Variants in KDM4C observed in about 807,000 individuals in gnomAD.
KDM4C encodes the protein lysine-specific demethylase 4C.
KDM4C carries 81 observed loss-of-function variants against 129.3 expected under a neutral mutation model. The ratio of observed to expected loss-of-function variants is 0.63; its 90% CI spans 0.52 to 0.75. KDM4C has a LOEUF of 0.75. Ranked by LOEUF, KDM4C falls within the 30% of genes least tolerant of loss-of-function variation. KDM4C has a pLI of 0.00. For synonymous variants in KDM4C, 573 were observed against 456.1 expected (o/e 1.26, Z -3.26); for missense variants, 1,457 against 1,304.0 (o/e 1.12, Z -1.81).
chr9:6,732,364 CAAAAAAAAAAAAAAAAAAAAAAA>C lies in KDM4C; in HGVS notation c.49+11382_49+11404del, dbSNP rs66904997. Among the ~76,000 whole-genome samples the C allele has an allele frequency of 3.3e-4, 10 of 29,978 alleles. 1 individual carries two copies. Among genetic ancestry groups the C allele is most frequent in the Non-Finnish European group, 4.6e-4 (8 of 17,462 alleles). 19.7% of individuals were successfully genotyped at this position (29,978 alleles called of 152,430 possible). On this transcript the variant is annotated intron_variant, in intron 1 of 17. Coordinates refer to the KDM4C transcript ENST00000536108. ...TGGGTGACAGAGCAAGACTCTGTCT[CAAAAAAAAAAAAAAAAAAAAAAA>C]AAAAAAAAAAAAAAGAATGAGGCCG...
At chr9:6,769,531 G>A (rs1005259786) in intron 1 of KDM4C, among the ~76,000 whole-genome samples, 5 of 152,116 alleles carry the variant, frequency 3.3e-5, no homozygotes, top group Non-Finnish European at 7.4e-5. Flanking sequence ...AATAATCACA[G>A]CCTGCTAACT....
intron 7 of KDM4C, among the ~76,000 whole-genome samples, chr9:6,891,252 T>C (rs2130880561): frequency 6.6e-6 from 1 of 152,278 alleles, no homozygotes; most frequent in African/African-American, 2.4e-5. Context: ...AAATTGGAAA[T>C]GACCAAATGT....
intron 15 of KDM4C, among the ~76,000 whole-genome samples, chr9:7,016,895 G>A (rs1823797964): frequency 6.6e-6 from 1 of 152,104 alleles, no homozygotes; most frequent in African/African-American, 2.4e-5. Context: ...CAAGGTGGGG[G>A]ATCCTCAGTG....
chr9:6,930,998 T>C (rs914729786), intron 8 of KDM4C, among the ~76,000 whole-genome samples: 1 of 152,160 alleles, frequency 6.6e-6, no homozygotes, highest in Non-Finnish European at 1.5e-5. Flanking sequence ...GCAACTGCAT[T>C]CTTATGCTTC....
intron 6 of KDM4C, among the ~76,000 whole-genome samples, chr9:6,887,715 A>G (rs1845505464): frequency 6.6e-6 from 1 of 152,228 alleles, no homozygotes; most frequent in African/African-American, 2.4e-5. Context: ...GAGTAATTTT[A>G]CAGGTTACAA....
chr9:7,036,809 T>G (rs1395386430), intron 15 of KDM4C, among the ~76,000 whole-genome samples: 1 of 152,216 alleles, frequency 6.6e-6, no homozygotes, highest in Non-Finnish European at 1.5e-5. Flanking sequence ...AGGATCTTTG[T>G]CATTCACTGT....
chr9:6,949,534 C>A (rs574723854), intron 8 of KDM4C, among the ~76,000 whole-genome samples: 22 of 152,306 alleles, frequency 1.4e-4, no homozygotes, highest in Admixed American at 5.2e-4. Context: ...ACGCCACTGC[C>A]CTCCAGCCTG....
chr9:6,938,899 C>G (rs941448925), intron 8 of KDM4C, among the ~76,000 whole-genome samples: 14 of 151,972 alleles, frequency 9.2e-5, no homozygotes, highest in African/African-American at 3.4e-4. Context: ...ACTCATGTTT[C>G]ATTTATGAGG....
At chr9:7,015,133 A>G (rs10975974) in intron 14 of KDM4C, among the ~76,000 whole-genome samples, 14,096 of 152,176 alleles carry the variant, frequency 0.093, 1,001 homozygotes, top group East Asian at 0.27. Context: ...GGGAAATTAC[A>G]TTTCTGTTAT....
chr9:7,039,373 A>G (rs777041056), intron 15 of KDM4C, among the ~76,000 whole-genome samples: 1 of 152,120 alleles, frequency 6.6e-6, no homozygotes, highest in Non-Finnish European at 1.5e-5. Flanking sequence ...TTATAAGTCT[A>G]ATTTCAATTT....
At chr9:6,865,858 C>T (rs951488389) in intron 5 of KDM4C, among the ~76,000 whole-genome samples, 8 of 152,132 alleles carry the variant, frequency 5.3e-5, no homozygotes, top group African/African-American at 1.7e-4. Context: ...TCACGCCATT[C>T]TCCTGCCTCA....
At chr9:7,005,383 C>T (rs530427696) in intron 12 of KDM4C, among the ~76,000 whole-genome samples, 14 of 144,096 alleles carry the variant, frequency 9.7e-5, no homozygotes, top group African/African-American at 3.1e-4. Context: ...TTCAGTGAGT[C>T]GAGATCAAGC....
At chr9:6,721,167 A>C in intron 1 of KDM4C, 1 of 471,080 alleles carries the variant, frequency 2.1e-6, no homozygotes, top group Non-Finnish European at 3.8e-6. Flanking sequence ...TCAACATCCC[A>C]GGCTCAGGTG....
At chr9:6,771,602 C>T (rs1027141722) in intron 1 of KDM4C, among the ~76,000 whole-genome samples, 8 of 152,160 alleles carry the variant, frequency 5.3e-5, no homozygotes, top group African/African-American at 1.9e-4. Flanking sequence ...TGAGCCACTG[C>T]ACCCGGCCAG....
intron 4 of KDM4C, chr9:6,835,390 CAGA>C: frequency 8.9e-7 from 1 of 1,120,772 alleles, no homozygotes; most frequent in Non-Finnish European, 1.4e-6. Context: ...CAACAGGATG[CAGA>C]AGGAGATCAC....
chr9:7,041,780 C>CTT (rs893655093), intron 15 of KDM4C, among the ~76,000 whole-genome samples: 3 of 152,046 alleles, frequency 2.0e-5, no homozygotes, highest in Admixed American at 2.0e-4. Flanking sequence ...GGGATTAGGA[C>CTT]TTTCCCTTCT....
At chr9:7,126,402 G>A (rs1266454370) in intron 18 of KDM4C, among the ~76,000 whole-genome samples, 2 of 152,128 alleles carry the variant, frequency 1.3e-5, no homozygotes, top group African/African-American at 2.4e-5. Flanking sequence ...CTCTTCTACA[G>A]GTCTTAAAAA....
upstream of KDM4C, chr9:6,757,929 G>C (rs57623331): frequency 2.4e-5 from 24 of 985,186 alleles, no homozygotes; most frequent in African/African-American, 3.5e-4. Flanking sequence ...CACCAAGTGC[G>C]GGCCCCAGCG....
chr9:6,850,068 A>G (rs1209908588), intron 5 of KDM4C, among the ~76,000 whole-genome samples: 2 of 152,252 alleles, frequency 1.3e-5, no homozygotes, highest in African/African-American at 4.8e-5. Context: ...TACAATATTT[A>G]GTTCAGTACA....
Sources: gnomAD v4.1 joint callset for allele counts (sites outside exome capture counted in the v4.1 genomes callset) on GRCh38, gnomAD v4.1.1 for gene constraint, MANE v1.5 for transcripts, NCBI Gene and HGNC (gene_info 2026-07-23, HGNC 2026-07-21) for gene names.